The following POP4 variants were observed in gnomAD, a reference collection of about 807,000 sequenced individuals.
The protein encoded by POP4 is POP4 ribonuclease P/MRP subunit.
In POP4, 31 loss-of-function variants were observed where a neutral mutation model predicts 29.9. The observed-to-expected ratio is 1.04, with a 90% CI of 0.78 to 1.40. The LOEUF is 1.40. Ranked by LOEUF, POP4 falls within the 40% of genes most tolerant of loss-of-function variation. The pLI, the probability that POP4 is intolerant of heterozygous loss-of-function variation, is 0.00. For synonymous variants in POP4, 110 were observed against 108.2 expected (o/e 1.02, Z -0.10); for missense variants, 286 against 282.7 (o/e 1.01, Z -0.08).
rs769536040 is a variant in POP4, at chr19:29,610,455, A to G, written c.107A>G (p.Lys36Arg). 8 of 1,594,580 alleles carry G rather than the reference A, an allele frequency of 5.0e-6. No individual in the cohort carries two copies. The East Asian group carries it at 1.1e-4, about 22-fold the overall frequency. ...GAGGCCTTCGTGAGGGCCTTCCTGA[A>G]GCGCAGCACGCCCCGCATGAGCCCG... ...RAEAFVRAFL[K>R]RSTPRMSPQA... Residue 36 changes from lysine (K) to arginine (R), a missense_variant, in exon 3 of 7, where the codon AAG (lysine) becomes AGG (arginine). Coordinates refer to ENST00000585603, the MANE Select transcript of POP4 (RefSeq NM_006627.3).
Position 29,608,670 on chromosome 19 carries a change from T to G in POP4, c.21T>G (p.His7Gln). ...TTAATCCCCCAGGTGTGATCTACCA[T>G]GCATTGTCTCAGAAAGAGGCGAATG... MKSVIY[H>Q]ALSQKEANDS... is the part of the protein sequence containing the mutation. Residue 7 changes from histidine (H) to glutamine (Q), a missense_variant, in exon 2 of 7, where the codon CAT becomes CAG. By Grantham distance (24) the His-to-Gln change is conservative. Coordinates refer to ENST00000585603, the MANE Select transcript of POP4 (RefSeq NM_006627.3). 6.2e-7 allele frequency: 1 copy of G among 1,613,988 alleles called. No homozygotes were observed. Among genetic ancestry groups the G allele is most frequent in the Non-Finnish European group, 8.5e-7 (1 of 1,179,892 alleles).
chr19:29,608,263 T>TG (rs2145555004), intron 1 of POP4, among the ~76,000 whole-genome samples: 1 of 42,864 alleles, frequency 2.3e-5, no homozygotes, highest in African/African-American at 1.2e-4. Flanking sequence ...TTTTCTTTTC[T>TG]TTTTTTTTTT....
At chr19:29,609,620 GGTTTCTTT>G (rs145830959) in intron 2 of POP4, among the ~76,000 whole-genome samples, 4,562 of 150,442 alleles carry the variant, frequency 0.03, 127 homozygotes, top group South Asian at 0.09. Flanking sequence ...GAGCTTGGAG[GGTTTCTTT>G]GTTTGTTTGT....
At position 29,615,622 on chromosome 19, in the gene POP4, G is replaced by A. The variant is rs1364376720; in HGVS notation, c.*242G>A. 2 of 431,894 alleles carry A rather than the reference G, an allele frequency of 4.6e-6. No individual in the cohort carries two copies. The highest frequency in any genetic ancestry group is 7.0e-5 in the East Asian group (2 of 28,452). 26.8% of individuals were successfully genotyped at this position (431,894 alleles called of 1,614,324 possible). ...TCATTTTGTGTGACTCCCATGGGGAGGAACAGACTGGCAGGAAGCACACCG... is the reference window on the plus strand; with the variant it reads ...TCATTTTGTGTGACTCCCATGGGGAAGAACAGACTGGCAGGAAGCACACCG... On this transcript the variant is annotated 3_prime_UTR_variant, in exon 7 of 7. Transcript: ENST00000585603.
chr19:29,614,671 T>C (rs1971110879), intron 6 of POP4, among the ~76,000 whole-genome samples: 1 of 151,994 alleles, frequency 6.6e-6, no homozygotes, highest in South Asian at 2.1e-4. Context: ...GCCCGGCTAA[T>C]TTTTGTATTT....
At position 29,609,621 on chromosome 19, in the gene POP4, GTTTC is replaced by G. The variant is rs753507184; in HGVS notation, c.61-784_61-781del. ...ACCTGAGAGGTAGTGAGCTTGGAGG[GTTTC>G]TTTGTTTGTTTGTTTGTTTGTTTGT... On this transcript the variant is annotated intron_variant, in intron 2 of 6. Transcript: ENST00000585603. Among the ~76,000 whole-genome samples the G allele has an allele frequency of 3.6e-3, 502 of 141,132 alleles. 4 individuals are homozygous for G. Among genetic ancestry groups the G allele is most frequent in the African/African-American group, 0.013 (463 of 34,972 alleles). 92.6% of individuals were successfully genotyped at this position (141,132 alleles called of 152,430 possible).
At chr19:29,611,995 T>C in intron 4 of POP4, 56 bp downstream of exon 4, 1 of 1,593,722 alleles carries the variant, frequency 6.3e-7, no homozygotes, top group Admixed American at 1.7e-5. Context: ...CCTCTGATCA[T>C]TGTAAATGCG....
In POP4 at chr19:29,615,787, G is replaced by A. The variant is rs1165861040; in HGVS notation, c.*407G>A. 1 of 155,024 alleles carries A rather than the reference G, an allele frequency of 6.5e-6. No homozygotes were observed. Among genetic ancestry groups the A allele is most frequent in the Admixed American group, 6.4e-5 (1 of 15,600 alleles). 9.6% of individuals were successfully genotyped at this position (155,024 alleles called of 1,614,324 possible). On this transcript the variant is annotated 3_prime_UTR_variant, in exon 7 of 7. Coordinates refer to ENST00000585603, the MANE Select transcript of POP4 (RefSeq NM_006627.3). ...GGACATAAACAGGGATCAAATAAAGGAGGTATTGCTGCAGTCCAGCCAGGT... is the reference window on the plus strand; with the variant it reads ...GGACATAAACAGGGATCAAATAAAGAAGGTATTGCTGCAGTCCAGCCAGGT...
intron 1 of POP4, among the ~76,000 whole-genome samples, chr19:29,606,937 G>C (rs1291760383): frequency 6.6e-6 from 1 of 152,156 alleles, no homozygotes; most frequent in African/African-American, 2.4e-5. Context: ...GAGGTTTCTG[G>C]CAAGTAATGG....
Position 29,610,504 on chromosome 19 carries a change from G to A in POP4, c.156G>A (p.Gln52=). ...CGCAGGCCCGCGAGGACCAGCTGCAGCGCAAGGCGGTGGTCCTGGAGTACT... is the reference window on the plus strand; with the variant it reads ...CGCAGGCCCGCGAGGACCAGCTGCAACGCAAGGCGGTGGTCCTGGAGTACT... ...MSPQAREDQL[Q]RKAVVLEYFT... is the part of the protein sequence containing the mutation. The change falls in exon 3 of 7, where the codon CAG becomes CAA. Residue 52 remains glutamine (Q), a synonymous_variant. Transcript: ENST00000585603. 3.1e-6 allele frequency: 5 copies of A among 1,612,656 alleles called. No homozygotes were observed. Among genetic ancestry groups the A allele is most frequent in the African/African-American group, 2.7e-5 (2 of 75,046 alleles).
Position 29,610,646 on chromosome 19 carries a change from C to T in POP4, c.284+14C>T, listed in dbSNP as rs746804767. ...AGAGCAGCAGAGGTAACCCGAGCTC[C>T]CCACGTCTTTCTGCCCGCGGTGCTT... On this transcript the variant is annotated intron_variant, in intron 3 of 6. Coordinates refer to ENST00000585603, the MANE Select transcript of POP4 (RefSeq NM_006627.3). 8.1e-6 allele frequency: 13 copies of T among 1,610,904 alleles called. No homozygotes were observed. The highest frequency in any genetic ancestry group is 1.0e-5 in the Non-Finnish European group (12 of 1,178,764).
In POP4 at chr19:29,608,262, C is replaced by CTTTTCTT. The variant is rs1491529433; in HGVS notation, c.8-391_8-390insCTTTTTT. Among the ~76,000 whole-genome samples the CTTTTCTT allele has an allele frequency of 1.6e-3, 135 of 86,556 alleles. 6 individuals carry two copies. Among genetic ancestry groups the CTTTTCTT allele is most frequent in the African/African-American group, 6.6e-3 (128 of 19,420 alleles). 56.8% of individuals were successfully genotyped at this position (86,556 alleles called of 152,430 possible). On this transcript the variant is annotated intron_variant, in intron 1 of 6. Coordinates refer to ENST00000585603, the MANE Select transcript of POP4 (RefSeq NM_006627.3). ...TAGTTATTTTCTTTTCTTTTCTTTT[C>CTTTTCTT]TTTTTTTTTTTTTTTTTTTTTTGAG...
At chr19:29,608,204 A>ATAAGCAGT (rs1170749957) in intron 1 of POP4, among the ~76,000 whole-genome samples, 1 of 151,038 alleles carries the variant, frequency 6.6e-6, no homozygotes, top group East Asian at 2.0e-4. Flanking sequence ...CTATCTCTGA[A>ATAAGCAGT]TAAGCAGTTG....
intron 3 of POP4, chr19:29,610,956 T>C: frequency 3.3e-6 from 1 of 303,598 alleles, no homozygotes; most frequent in Non-Finnish European, 6.3e-6. Flanking sequence ...TGTGTATTAC[T>C]TTGTAGCTTT....
Position 29,615,431 on chromosome 19 carries a change from C to T in POP4, c.*51C>T, listed in dbSNP as rs992979010. ...TTATGACAGCTGAAAACTGGACACT[C>T]CCTAAATGTCCACCTTTCAGTGAAG... On this transcript the variant is annotated 3_prime_UTR_variant, in exon 7 of 7. Transcript: ENST00000585603. 5 of 1,568,808 alleles carry T rather than the reference C, an allele frequency of 3.2e-6. No individual in the cohort carries two copies. The highest frequency in any genetic ancestry group is 1.7e-4 in the Middle Eastern group (1 of 5,938).
At chr19:29,606,355 T>A (rs764659418) in intron 1 of POP4, 30 bp downstream of exon 1, 2 of 1,602,774 alleles carry the variant, frequency 1.2e-6, no homozygotes, top group Admixed American at 3.5e-5. Context: ...TGGAGAGGGT[T>A]GGGGACGTTA....
intron 6 of POP4, 42 bp downstream of exon 6, chr19:29,614,014 T>C (rs756418434): frequency 1.3e-6 from 2 of 1,591,274 alleles, no homozygotes; most frequent in Non-Finnish European, 1.7e-6. Context: ...GGGCTGTGGC[T>C]CCCAGCTACT....
At chr19:29,614,845 C>G (rs184265001) in intron 6 of POP4, among the ~76,000 whole-genome samples, 1 of 152,214 alleles carries the variant, frequency 6.6e-6, no homozygotes, top group East Asian at 1.9e-4. Flanking sequence ...TTGTTGCTTC[C>G]CTTATTTTCC....
chr19:29,612,012 G>GCTGC (rs1971075199), intron 4 of POP4, 73 bp downstream of exon 4: 6 of 1,590,400 alleles, frequency 3.8e-6, no homozygotes, highest in African/African-American at 1.3e-5. Flanking sequence ...TGCGGCTTCA[G>GCTGC]GAACCAGCGT....
Sources: allele counts gnomAD v4.1 joint callset (sites outside exome capture counted in the v4.1 genomes callset), GRCh38; gene constraint gnomAD v4.1.1; transcripts MANE v1.5; gene names NCBI Gene and HGNC (gene_info 2026-07-23, HGNC 2026-07-21).